Variants in GPX4 observed in about 807,000 individuals in gnomAD.
The protein encoded by GPX4 is glutathione peroxidase 4.
In GPX4, 28 loss-of-function variants were observed where a neutral mutation model predicts 27.8. The observed-to-expected ratio is 1.01, with a 90% CI of 0.75 to 1.38. The LOEUF (loss-of-function observed/expected upper bound fraction) is 1.38. GPX4 is among the 40% of genes most tolerant of loss of function. The pLI is 0.00. For missense variants in GPX4, 357 were observed against 274.1 expected (o/e 1.30, Z -2.14); for synonymous variants, 163 against 107.8 (o/e 1.51, Z -3.17).
Position 1,104,076 on chromosome 19 carries a change from G to C in GPX4, c.33G>C (p.Lys11Asn). The C allele has an allele frequency of 6.6e-7, 1 of 1,519,614 alleles. No homozygotes were observed. The highest frequency in any genetic ancestry group is 8.8e-7 in the Non-Finnish European group (1 of 1,140,258). 94.1% of individuals were successfully genotyped at this position (1,519,614 alleles called of 1,614,324 possible). A position where few individuals can be genotyped will look rare whatever the true frequency, so the allele number is the denominator to read the frequency against. Residue 11 changes from lysine to asparagine, a missense_variant, in exon 1 of 7, where the codon AAG (lysine) becomes AAC (asparagine). Lys to Asn is a moderately conservative substitution (Grantham distance 94). Transcript: ENST00000354171. ...TCGGCCGCCTTTGCCGCCTACTGAAGCCGGCGCTGCTCTGTGGGGCTCTGG... is the reference window on the plus strand; with the variant it reads ...TCGGCCGCCTTTGCCGCCTACTGAACCCGGCGCTGCTCTGTGGGGCTCTGG... Reference protein sequence around the residue: MSLGRLCRLLKPALLCGALAA... With the variant: MSLGRLCRLLNPALLCGALAA...
At chr19:1,105,313 G>C in intron 2 of GPX4, 33 bp downstream of exon 2, 1 of 1,612,684 alleles carries the variant, frequency 6.2e-7, no homozygotes, top group East Asian at 2.2e-5. Context: ...GCGCGGGGTC[G>C]GGCCCTGGGA....
Position 1,106,741 on chromosome 19 carries a change from C to G in GPX4, c.*169C>G. On this transcript the variant is annotated 3_prime_UTR_variant, in exon 7 of 7. Coordinates refer to ENST00000354171, the MANE Select transcript of GPX4 (RefSeq NM_002085.5). ...CCTGCTGGGCTTGGCTCGGCGCCCC[C>G]ACCCCTGGCTACCTTGTGGGAATAA... 1.3e-6 allele frequency: 1 copy of G among 769,360 alleles called. No homozygotes were observed. The highest frequency in any genetic ancestry group is 2.9e-5 in the Admixed American group (1 of 34,660). 47.7% of individuals were successfully genotyped at this position (769,360 alleles called of 1,614,324 possible).
In GPX4 at chr19:1,106,414, G is replaced by A. The variant is rs748450322; in HGVS notation, c.516G>A (p.Lys172=). 7 of 1,613,570 alleles carry A rather than the reference G, an allele frequency of 4.3e-6. No individual in the cohort carries two copies. In the Middle Eastern group the frequency reaches 6.6e-4, roughly 152 times the overall value. Residue 172 remains lysine (K), a synonymous_variant, in exon 6 of 7, where the codon AAG becomes AAA. Transcript: ENST00000354171. ...TCTCTCCACAGTTCCTCATCGACAA[G>A]AACGGCTGCGTGGTGAAGCGCTACG... The part of the protein sequence containing the change: ...KWNFTKFLID[K]NGCVVKRYGP...
chr19:1,104,151 C>T (rs1159427840), intron 1 of GPX4, 24 bp downstream of exon 1: 5 of 1,437,776 alleles, frequency 3.5e-6, no homozygotes, highest in African/African-American at 1.5e-5. Context: ...GCGGCCGTTG[C>T]CGGCCCGGTG....
intron 1 of GPX4, chr19:1,104,539 G>A: frequency 1.4e-6 from 1 of 734,844 alleles, no homozygotes; most frequent in Non-Finnish European, 1.7e-6. Flanking sequence ...GAGCGGGGCT[G>A]CTGCGCCCGA....
chr19:1,104,135 A>G lies in GPX4; in HGVS notation c.84+8A>G, dbSNP rs2145164242. 2 of 1,457,420 alleles carry G rather than the reference A, an allele frequency of 1.4e-6. No homozygotes were observed. Among genetic ancestry groups the G allele is most frequent in the East Asian group, 5.9e-5 (2 of 33,716 alleles). The allele number at this position is 1,457,420 out of a possible 1,614,324, so 90.3% of individuals were successfully genotyped here. A position where few individuals can be genotyped will look rare whatever the true frequency, so the allele number is the denominator to read the frequency against. On this transcript the variant is annotated splice_region_variant and intron_variant, in intron 1 of 6. Coordinates refer to ENST00000354171, the MANE Select transcript of GPX4 (RefSeq NM_002085.5). ...GGCCTGGCCGGGACCATGGTGAGCT[A>G]GCGCCGCGGCCGTTGCCGGCCCGGT...
chr19:1,105,939 C>CA, intron 4 of GPX4, 130 bp downstream of exon 4: 1 of 1,132,226 alleles, frequency 8.8e-7, no homozygotes, highest in Non-Finnish European at 1.2e-6. Context: ...GGGACTCTCA[C>CA]ATCGCGTGGC....
chr19:1,105,940 A>G, intron 4 of GPX4, 131 bp downstream of exon 4: 3 of 1,101,078 alleles, frequency 2.7e-6, no homozygotes, highest in Non-Finnish European at 3.8e-6. Flanking sequence ...GGACTCTCAC[A>G]TCGCGTGGCC....
chr19:1,104,967 T>G, intron 1 of GPX4: 73 of 1,451,070 alleles, frequency 5.0e-5, no homozygotes, highest in East Asian at 2.3e-4. Context: ...ATGTGGCACA[T>G]TTTGGGGTTG....
chr19:1,104,441 T>G, intron 1 of GPX4: 5 of 332,554 alleles, frequency 1.5e-5, no homozygotes, highest in East Asian at 6.1e-5. Flanking sequence ...GGGGCCGGGG[T>G]CGGGGGTCCA....
At chr19:1,106,189 G>A (rs984247371) in intron 4 of GPX4, 53 bp from the exon 5 acceptor site, 14 of 1,538,470 alleles carry the variant, frequency 9.1e-6, no homozygotes, top group Non-Finnish European at 1.1e-5. Context: ...AGGACAGCTT[G>A]GGGACTGTGG....
intron 4 of GPX4, 32 bp downstream of exon 4, chr19:1,105,841 GGGGTGGGGGT>G: frequency 9.7e-7 from 1 of 1,033,818 alleles, no homozygotes; most frequent in Non-Finnish European, 1.3e-6. Context: ...TACGGCTGCT[GGGGTGGGGGT>G]GGGGGGGCTG....
intron 1 of GPX4, 130 bp downstream of exon 1, chr19:1,104,257 C>A: frequency 1.3e-6 from 1 of 785,314 alleles, no homozygotes; most frequent in Non-Finnish European, 1.8e-6. Context: ...GGGGGCTCCC[C>A]CTCCCCACCC....
rs376317362 is a variant in GPX4, at chr19:1,106,649, C to T, written c.*77C>T. The T allele has an allele frequency of 1.7e-5, 27 of 1,587,232 alleles. No homozygotes were observed. The highest frequency in any genetic ancestry group is 2.3e-5 in the South Asian group (2 of 88,826). On this transcript the variant is annotated 3_prime_UTR_variant, in exon 7 of 7. Coordinates refer to ENST00000354171, the MANE Select transcript of GPX4 (RefSeq NM_002085.5). Reference sequence around the variant, plus strand: ...TCCACCGGCACTCATGACGGCCTGCCTGCAAACCTGCTGGTGGGGCAGACC... The same window carrying T: ...TCCACCGGCACTCATGACGGCCTGCTTGCAAACCTGCTGGTGGGGCAGACC...
rs760039914 is a variant in GPX4, at chr19:1,105,462, G to A, written c.276G>A (p.Glu92=). The change falls in exon 3 of 7, where the codon GAG becomes GAA. Residue 92 remains glutamate (E), a synonymous_variant. Coordinates refer to ENST00000354171, the MANE Select transcript of GPX4 (RefSeq NM_002085.5). ...QLVDLHARYA[E]CGLRILAFPC... is the part of the protein sequence containing the mutation. ...TCGACCTGCACGCCCGATACGCTGA[G>A]TGTGGTTTGCGGATCCTGGCCTTCC... 2 of 1,612,808 alleles carry A rather than the reference G, an allele frequency of 1.2e-6. No homozygotes were observed. The highest frequency in any genetic ancestry group is 1.3e-5 in the African/African-American group (1 of 75,058).
At position 1,105,762 on chromosome 19, in the gene GPX4, G is replaced by A; in HGVS notation, c.429G>A (p.Leu143=). 1.3e-6 allele frequency: 2 copies of A among 1,583,548 alleles called. No individual in the cohort carries two copies. The highest frequency in any genetic ancestry group is 1.7e-6 in the Non-Finnish European group (2 of 1,164,278). The change falls in exon 4 of 7, where the codon CTG becomes CTA. Residue 143 remains leucine (L), a synonymous_variant. Transcript: ENST00000354171. Reference sequence around the variant, plus strand: ...TGAACGGGGACGACGCCCACCCGCTGTGGAAGTGGATGAAGATCCAACCCA... The same window carrying A: ...TGAACGGGGACGACGCCCACCCGCTATGGAAGTGGATGAAGATCCAACCCA... ...ICVNGDDAHP[L]WKWMKIQPKG... is the part of the protein sequence containing the mutation.
rs1461149819 is a variant in GPX4 at position 1,105,818 on chromosome 19, C to T, written c.476+9C>T. ...AAGGGCATCCTGGGAAAGTGCGTGA[C>T]CTCTGGGGACAGTACGGCTGCTGGG... On this transcript the variant is annotated intron_variant, in intron 4 of 6. Transcript: ENST00000354171. The T allele has an allele frequency of 1.0e-5, 15 of 1,507,280 alleles. No homozygotes were observed. The highest frequency in any genetic ancestry group is 4.0e-5 in the Admixed American group (2 of 50,348). 93.4% of individuals were successfully genotyped at this position (1,507,280 alleles called of 1,614,324 possible).
intron 1 of GPX4, chr19:1,104,343 TGGGGTC>T: frequency 2.1e-6 from 1 of 483,098 alleles, no homozygotes; most frequent in Non-Finnish European, 3.5e-6. Flanking sequence ...GCGCGCGGGC[TGGGGTC>T]GGGGAAGGGG....
rs1227691848 is a variant in GPX4, at chr19:1,104,101, G to A, written c.58G>A (p.Ala20Thr). The A allele has an allele frequency of 4.0e-6, 6 of 1,506,156 alleles. No individual in the cohort carries two copies. The East Asian group carries it at 8.2e-5, about 21-fold the overall frequency. 93.3% of individuals were successfully genotyped at this position (1,506,156 alleles called of 1,614,324 possible). The change falls in exon 1 of 7, where the codon GCC becomes ACC. Residue 20 changes from alanine to threonine, a missense_variant. Physicochemically the swap from Ala to Thr is moderately conservative, Grantham distance 58. Transcript: ENST00000354171. ...LKPALLCGAL[A>T]APGLAGTMCA... ...GCCGGCGCTGCTCTGTGGGGCTCTG[G>A]CCGCGCCTGGCCTGGCCGGGACCAT...
Sources: allele counts gnomAD v4.1 joint callset, GRCh38; gene constraint gnomAD v4.1.1; transcripts MANE v1.5; gene names NCBI Gene and HGNC (gene_info 2026-07-23, HGNC 2026-07-21).